The following BCAS3 variants were observed in gnomAD, a reference collection of about 807,000 sequenced individuals.
The protein encoded by BCAS3 is BCAS3 microtubule associated cell migration factor.
In BCAS3, 53 loss-of-function variants were observed where a neutral mutation model predicts 116.1. That is an observed-to-expected ratio of 0.46 (90% confidence interval 0.37 to 0.57). The LOEUF (loss-of-function observed/expected upper bound fraction) is 0.57. Among genes scored for constraint, BCAS3 ranks in the 20% least tolerant of loss-of-function variants. The probability of loss-of-function intolerance (pLI) is 0.00; values close to 1 mark genes in which losing one functional copy is unlikely to be tolerated. For synonymous variants in BCAS3, 391 were observed against 408.2 expected (o/e 0.96, Z 0.51); for missense variants, 917 against 1,165.4 (o/e 0.79, Z 3.10).
intron 14 of BCAS3, among the ~76,000 whole-genome samples, chr17:60,976,914 G>A (rs999471033): frequency 2.0e-5 from 3 of 151,984 alleles, no homozygotes; most frequent in East Asian, 3.9e-4. Context: ...CGACAAAACC[G>A]CCATCGTCAT....
intron 7 of BCAS3, among the ~76,000 whole-genome samples, chr17:60,864,222 T>A (rs2054396472): frequency 6.6e-6 from 1 of 152,224 alleles, no homozygotes; most frequent in South Asian, 2.1e-4. Context: ...TTTGTCATTG[T>A]GATTGTCAAC....
rs1258714554 is a variant in BCAS3, at chr17:61,309,059, T to C, written c.2426-59268T>C. On this transcript the variant is annotated intron_variant, in intron 22 of 23. Transcript: ENST00000407086. The surrounding 1 kb of genome is among the most constrained non-coding windows in gnomAD (Gnocchi z 4.6). ...TCCCCTCCTCTGAGTGTCTTCAGCATGGAATCCTCTTTCTTTCAGGAGTCC... is the reference window on the plus strand; with the variant it reads ...TCCCCTCCTCTGAGTGTCTTCAGCACGGAATCCTCTTTCTTTCAGGAGTCC... Among the ~76,000 whole-genome samples the C allele has an allele frequency of 6.6e-6, 1 of 152,184 alleles. No homozygotes were observed. Among genetic ancestry groups the C allele is most frequent in the Admixed American group, 6.5e-5 (1 of 15,276 alleles).
At chr17:61,262,867 T>C (rs1404390869) in intron 22 of BCAS3, among the ~76,000 whole-genome samples, 1 of 151,496 alleles carries the variant, frequency 6.6e-6, no homozygotes, top group Non-Finnish European at 1.5e-5. Flanking sequence ...TAATTTTGTA[T>C]TTTTAGTAGA....
rs945718697 is a variant in BCAS3 at position 61,217,098 on chromosome 17, G to A, written c.2425+132534G>A. Among the ~76,000 whole-genome samples, 8 of 151,358 alleles carry A rather than the reference G, an allele frequency of 5.3e-5. No individual in the cohort carries two copies. Among genetic ancestry groups the A allele is most frequent in the South Asian group, 2.1e-4 (1 of 4,774 alleles). On this transcript the variant is annotated intron_variant, in intron 22 of 23. Coordinates refer to ENST00000407086, the MANE Select transcript of BCAS3 (RefSeq NM_017679.5). The surrounding 1 kb of genome is among the most constrained non-coding windows in gnomAD (Gnocchi z 5.2). ...AGATCGAGACCATCCTGGCTAACAC[G>A]GTGAAACCCCGTCTCTACTAAAAAA...
chr17:61,032,352 G>A lies in BCAS3; in HGVS notation c.1638-2314G>A, dbSNP rs189399486. On this transcript the variant is annotated intron_variant, in intron 16 of 23. Coordinates refer to ENST00000407086, the MANE Select transcript of BCAS3 (RefSeq NM_017679.5). The surrounding 1 kb of genome is among the most constrained non-coding windows in gnomAD (Gnocchi z 4.6). ...GTGATTCTAGTAAAAGCACATAGTC[G>A]CACAATTGCAAACTGCTTTCAAAAA... is the stretch of plus-strand genomic sequence containing the variant. Among the ~76,000 whole-genome samples the A allele has an allele frequency of 1.8e-4, 28 of 152,148 alleles. No homozygotes were observed. Among genetic ancestry groups the A allele is most frequent in the African/African-American group, 6.0e-4 (25 of 41,512 alleles).
intron 22 of BCAS3, among the ~76,000 whole-genome samples, chr17:61,297,631 G>A (rs777280229): frequency 1.3e-5 from 2 of 152,164 alleles, no homozygotes; most frequent in Non-Finnish European, 2.9e-5. Context: ...GCCAAGCCCA[G>A]GTGTTCTTGT....
At chr17:61,271,059 A>G (rs1308845976) in intron 22 of BCAS3, among the ~76,000 whole-genome samples, 1 of 143,830 alleles carries the variant, frequency 7.0e-6, no homozygotes, top group African/African-American at 2.6e-5. Context: ...ACCTGGGTAT[A>G]TTTAGGTCTT....
chr17:60,745,741 A>T (rs2041965622), intron 5 of BCAS3, among the ~76,000 whole-genome samples: 1 of 152,124 alleles, frequency 6.6e-6, no homozygotes, highest in African/African-American at 2.4e-5. Context: ...ATTGTTGCAC[A>T]GTTAGTCCTA....
chr17:60,684,175 G>A (rs2033680891), intron 3 of BCAS3, 139 bp downstream of exon 3: 3 of 716,054 alleles, frequency 4.2e-6, no homozygotes, highest in Non-Finnish European at 7.2e-6. Context: ...CGTAGGGTGG[G>A]ACTACATTAT....
chr17:61,156,770 A>G lies in BCAS3; in HGVS notation c.2425+72206A>G, dbSNP rs2077866700. 1.3e-5 allele frequency among the ~76,000 whole-genome samples: 2 copies of G among 152,212 alleles called. No homozygotes were observed. Among genetic ancestry groups the G allele is most frequent in the Admixed American group, 6.5e-5 (1 of 15,286 alleles). ...ATAAGTAACTCCTAAAAAAATTCAC[A>G]TGCACACAAAAAATCTGCAGTGTGG... On this transcript the variant is annotated intron_variant, in intron 22 of 23. Transcript: ENST00000407086. The surrounding 1 kb of genome is among the most constrained non-coding windows in gnomAD (Gnocchi z 4.7).
intron 22 of BCAS3, among the ~76,000 whole-genome samples, chr17:61,142,274 C>A (rs890824035): frequency 6.6e-6 from 1 of 152,246 alleles, no homozygotes. Context: ...CAAATTTAAA[C>A]CCAGATCTGT....
At position 61,019,224 on chromosome 17, in the gene BCAS3, A is replaced by G. The variant is rs182500856; in HGVS notation, c.1637+3323A>G. On this transcript the variant is annotated intron_variant, in intron 16 of 23. Coordinates refer to ENST00000407086, the MANE Select transcript of BCAS3 (RefSeq NM_017679.5). The surrounding 1 kb of genome is among the most constrained non-coding windows in gnomAD (Gnocchi z 5.6). Reference sequence around the variant, plus strand: ...CAGCATCGGCATTAGATTCTCGTTAAGAGTGCAAACCCTATTGTTGTGAAC... The same window carrying G: ...CAGCATCGGCATTAGATTCTCGTTAGGAGTGCAAACCCTATTGTTGTGAAC... Among the ~76,000 whole-genome samples the G allele has an allele frequency of 2.2e-4, 33 of 152,300 alleles. No homozygotes were observed. Among genetic ancestry groups the G allele is most frequent in the African/African-American group, 7.7e-4 (32 of 41,570 alleles).
chr17:61,024,744 C>T (rs1406294303), intron 16 of BCAS3, among the ~76,000 whole-genome samples: 2 of 151,792 alleles, frequency 1.3e-5, no homozygotes, highest in Non-Finnish European at 2.9e-5. Flanking sequence ...TTTACTGGCT[C>T]TACAGGTAGG....
At chr17:60,693,493 C>T (rs557086335) in intron 4 of BCAS3, among the ~76,000 whole-genome samples, 1 of 151,688 alleles carries the variant, frequency 6.6e-6, no homozygotes, top group East Asian at 1.9e-4. Flanking sequence ...TGGCTCACTG[C>T]AGCCCCGACC....
At chr17:60,747,004 T>G (rs1162267048) in intron 5 of BCAS3, among the ~76,000 whole-genome samples, 194 bp from the exon 6 acceptor site, 1 of 152,178 alleles carries the variant, frequency 6.6e-6, no homozygotes, top group Non-Finnish European at 1.5e-5. Flanking sequence ...GCTCTTACAG[T>G]TTTCTAAAAT....
chr17:61,182,407 C>G (rs750113424), intron 22 of BCAS3, among the ~76,000 whole-genome samples: 1 of 152,116 alleles, frequency 6.6e-6, no homozygotes, highest in African/African-American at 2.4e-5. Context: ...AAAAACCCCA[C>G]TAGCCATCAC....
intron 7 of BCAS3, among the ~76,000 whole-genome samples, chr17:60,853,005 GC>G (rs1481504692): frequency 3.3e-5 from 5 of 152,186 alleles, no homozygotes; most frequent in African/African-American, 9.7e-5. Flanking sequence ...GATGCGTATA[GC>G]AACTTTATTC....
intron 21 of BCAS3, among the ~76,000 whole-genome samples, chr17:61,081,746 A>G (rs1183449246): frequency 1.3e-5 from 2 of 152,158 alleles, no homozygotes; most frequent in Non-Finnish European, 2.9e-5. Context: ...CCGGCATCCA[A>G]TTAGAAACCC....
intron 22 of BCAS3, among the ~76,000 whole-genome samples, chr17:61,163,167 G>A (rs1439529174): frequency 6.6e-6 from 1 of 152,246 alleles, no homozygotes; most frequent in Non-Finnish European, 1.5e-5. Flanking sequence ...GCTCACGCCT[G>A]TAATCCCAGC....
Sources: allele counts gnomAD v4.1 joint callset (sites outside exome capture counted in the v4.1 genomes callset), GRCh38; gene constraint gnomAD v4.1.1; non-coding constraint Gnocchi (gnomAD v3.1); transcripts MANE v1.5; gene names NCBI Gene and HGNC (gene_info 2026-07-23, HGNC 2026-07-21).